Variants in LCOR observed in about 807,000 individuals in gnomAD.
The protein encoded by LCOR is ligand-dependent corepressor.
A neutral mutation model predicts 64.4 loss-of-function variants in LCOR; 14 were observed. That is an observed-to-expected ratio of 0.22 (90% CI 0.14 to 0.34). The LOEUF is 0.34. Among genes scored for constraint, LCOR ranks in the 10% least tolerant of loss-of-function variants. LCOR has a pLI of 1.00. For missense variants in LCOR, 1,686 were observed against 1,765.3 expected (o/e 0.96, Z 0.80); for synonymous variants, 643 against 642.5 (o/e 1.00, Z -0.01).
intron 1 of LCOR, 78 bp from the exon 2 acceptor site, chr10:96,833,328 C>G: frequency 1.0e-6 from 1 of 956,830 alleles, no homozygotes; most frequent in Non-Finnish European, 1.2e-6. Flanking sequence ...GGAGCGCGGA[C>G]GGGGGCGCCC....
At chr10:96,929,019 G>A (rs1847213449) in intron 4 of LCOR, among the ~76,000 whole-genome samples, 1 of 152,142 alleles carries the variant, frequency 6.6e-6, no homozygotes, top group Non-Finnish European at 1.5e-5. Context: ...ATAAACACAT[G>A]TGTTGTCATC....
intron 7 of LCOR, among the ~76,000 whole-genome samples, chr10:96,974,667 T>A (rs1383852673): frequency 6.6e-6 from 1 of 152,184 alleles, no homozygotes; most frequent in East Asian, 1.9e-4. Context: ...TCTAAGTTAA[T>A]GCAAGTGCTA....
rs891002258 is a variant in LCOR, at chr10:96,992,400, C to T, written c.*7266C>T. 6.6e-6 allele frequency: 1 copy of T among 152,264 alleles called. No homozygotes were observed. Among genetic ancestry groups the T allele is most frequent in the African/African-American group, 2.4e-5 (1 of 41,482 alleles). The allele number at this position is 152,264 out of a possible 1,614,324, so 9.4% of individuals were successfully genotyped here. A position where few individuals can be genotyped will look rare whatever the true frequency, so the allele number is the denominator to read the frequency against. ...CTTTCTAGCCACCCATCCTCCCCAG[C>T]TACCATGCTCAACCATTGAGCCCCC... On this transcript the variant is annotated 3_prime_UTR_variant, in exon 8 of 8. Transcript: ENST00000421806.
intron 4 of LCOR, among the ~76,000 whole-genome samples, chr10:96,917,347 G>A (rs927051073): frequency 2.6e-5 from 4 of 152,242 alleles, no homozygotes; most frequent in African/African-American, 9.6e-5. Flanking sequence ...GAAACTATGA[G>A]TGGCAAAAGC....
intron 4 of LCOR, among the ~76,000 whole-genome samples, chr10:96,932,294 GA>G (rs1847274587): frequency 1.3e-5 from 2 of 152,190 alleles, no homozygotes; most frequent in South Asian, 4.1e-4. Context: ...TTATTCAGTA[GA>G]TGGTGCTAGA....
At position 96,832,332 on chromosome 10, in the gene LCOR, C is replaced by T. The variant is rs1390049265; in HGVS notation, c.-471C>T. On this transcript the variant is annotated 5_prime_UTR_variant, in exon 1 of 8. Transcript: ENST00000421806. ...CGAGGGTGTGTAGGCGGCAGCAATG[C>T]TCCGTTGAGAGACGCGGCTTTCGGC... The T allele has an allele frequency of 1.0e-6, 1 of 984,552 alleles. No individual in the cohort carries two copies. Among genetic ancestry groups the T allele is most frequent in the Middle Eastern group, 5.2e-4 (1 of 1,914 alleles). The allele number at this position is 984,552 out of a possible 1,614,324, so 61.0% of individuals were successfully genotyped here.
chr10:96,853,417 T>TA (rs1845752682), intron 2 of LCOR, among the ~76,000 whole-genome samples: 1 of 152,232 alleles, frequency 6.6e-6, no homozygotes, highest in Non-Finnish European at 1.5e-5. Flanking sequence ...CAAAATAAGA[T>TA]AGTGTTTCAG....
At chr10:96,964,927 T>C (rs1847932751) in intron 7 of LCOR, among the ~76,000 whole-genome samples, 1 of 152,146 alleles carries the variant, frequency 6.6e-6, no homozygotes, top group Non-Finnish European at 1.5e-5. Flanking sequence ...GTTATGATGG[T>C]AGTTCTCATT....
chr10:96,920,134 C>T (rs2134470283), intron 4 of LCOR, among the ~76,000 whole-genome samples: 1 of 151,466 alleles, frequency 6.6e-6, no homozygotes, highest in Middle Eastern at 3.5e-3. Flanking sequence ...TCCAATTTTT[C>T]CGCATTGTTG....
intron 2 of LCOR, among the ~76,000 whole-genome samples, chr10:96,887,522 C>T (rs1478759318): frequency 6.6e-6 from 1 of 150,476 alleles, no homozygotes; most frequent in African/African-American, 2.5e-5. Context: ...AAGATCACGC[C>T]ACTGCACTCC....
At chr10:96,886,906 C>T (rs1846353710) in intron 2 of LCOR, among the ~76,000 whole-genome samples, 2 of 152,184 alleles carry the variant, frequency 1.3e-5, no homozygotes, top group African/African-American at 4.8e-5. Context: ...AGATATGCTA[C>T]ACTATTCTGA....
intron 4 of LCOR, among the ~76,000 whole-genome samples, chr10:96,931,314 A>G (rs1434538489): frequency 2.0e-5 from 3 of 151,388 alleles, no homozygotes; most frequent in South Asian, 2.1e-4. Flanking sequence ...GTTCACTGCA[A>G]CTTCCGCCTC....
At chr10:96,886,072 T>C (rs957045105) in intron 2 of LCOR, among the ~76,000 whole-genome samples, 1 of 152,114 alleles carries the variant, frequency 6.6e-6, no homozygotes, top group Non-Finnish European at 1.5e-5. Flanking sequence ...GAGACGAGGT[T>C]TCACCATGTT....
chr10:96,859,148 T>C (rs1845848478), intron 2 of LCOR, among the ~76,000 whole-genome samples: 1 of 152,028 alleles, frequency 6.6e-6, no homozygotes, highest in Non-Finnish European at 1.5e-5. Flanking sequence ...TTAACTGATA[T>C]CATCAGGAAT....
chr10:96,919,769 G>T lies in LCOR; in HGVS notation c.-184+12022G>T, dbSNP rs1847016249. Among the ~76,000 whole-genome samples the T allele has an allele frequency of 3.3e-5, 5 of 152,260 alleles. 1 individual carries two copies. The highest frequency in any genetic ancestry group is 1.2e-4 in the African/African-American group (5 of 41,560). ...ATATAGTATTTGTCGTTTTGTGACT[G>T]ACTTGTATTGCCTAAGATAGTGTCC... On this transcript the variant is annotated intron_variant, in intron 4 of 7. Coordinates refer to ENST00000421806, the MANE Select transcript of LCOR (RefSeq NM_001346516.2).
intron 2 of LCOR, among the ~76,000 whole-genome samples, chr10:96,842,435 G>A (rs897065471): frequency 1.3e-5 from 2 of 151,820 alleles, no homozygotes; most frequent in Admixed American, 1.3e-4. Context: ...AGAAACTAAA[G>A]GGATCTATAG....
At position 96,845,449 on chromosome 10, in the gene LCOR, C is replaced by CTTTTTTTTTTTTT. The variant is rs762639752; in HGVS notation, c.-330+11995_-330+12007dup. On this transcript the variant is annotated intron_variant, in intron 2 of 7. Transcript: ENST00000421806. ...TTTGCCTCTTATAAATGGGCTTATC[C>CTTTTTTTTTTTTT]TTTTTTTTTTTTTTTTTTTTTTTTT... Among the ~76,000 whole-genome samples, 10 of 48,686 alleles carry CTTTTTTTTTTTTT rather than the reference C, an allele frequency of 2.1e-4. 4 individuals are homozygous for CTTTTTTTTTTTTT. Among genetic ancestry groups the CTTTTTTTTTTTTT allele is most frequent in the East Asian group, 6.7e-4 (1 of 1,488 alleles). 31.9% of individuals were successfully genotyped at this position (48,686 alleles called of 152,430 possible).
chr10:96,878,060 C>T (rs945560180), intron 2 of LCOR, among the ~76,000 whole-genome samples: 1 of 152,104 alleles, frequency 6.6e-6, no homozygotes, highest in African/African-American at 2.4e-5. Flanking sequence ...CATCCATGTA[C>T]AGTAATTGTT....
chr10:96,865,343 GAA>G (rs1845952816), intron 2 of LCOR, among the ~76,000 whole-genome samples: 1 of 152,054 alleles, frequency 6.6e-6, no homozygotes, highest in Admixed American at 6.6e-5. Flanking sequence ...TTTATGGGAA[GAA>G]AAGATACAAT....
Sources: gnomAD v4.1 joint callset for allele counts (sites outside exome capture counted in the v4.1 genomes callset) on GRCh38, gnomAD v4.1.1 for gene constraint, MANE v1.5 for transcripts, NCBI Gene and HGNC (gene_info 2026-07-23, HGNC 2026-07-21) for gene names.